Variants in WLS observed in about 807,000 individuals in gnomAD.
WLS encodes protein wntless homolog.
Under a neutral mutation model 62.8 loss-of-function variants are expected in WLS, and 23 were observed. That is an observed-to-expected ratio of 0.37 (90% CI 0.26 to 0.52). The LOEUF is 0.52. Among genes scored for constraint, WLS ranks in the 20% least tolerant of loss-of-function variants. The pLI is 0.92. For missense variants in WLS, 615 were observed against 697.3 expected, an observed-to-expected ratio of 0.88 and a Z score of 1.33; for synonymous variants, 246 against 244.1, an observed-to-expected ratio of 1.01 and a Z score of -0.07.
At chr1:68,200,402 T>G (rs537330060) in intron 1 of WLS, among the ~76,000 whole-genome samples, 2 of 151,480 alleles carry the variant, frequency 1.3e-5, no homozygotes, top group South Asian at 4.2e-4. Context: ...CATAAAACAT[T>G]TTGGGGTACT....
intron 11 of WLS, among the ~76,000 whole-genome samples, chr1:68,103,751 C>G (rs1646108571): frequency 1.3e-5 from 2 of 152,116 alleles, no homozygotes; most frequent in Admixed American, 1.3e-4. Context: ...CAGCATCATC[C>G]CCGCCAAGCC....
intron 1 of WLS, among the ~76,000 whole-genome samples, chr1:68,215,847 C>T (rs1649703696): frequency 6.6e-6 from 1 of 152,204 alleles, no homozygotes; most frequent in Non-Finnish European, 1.5e-5. Flanking sequence ...CATTCACTAA[C>T]TAAACCCAGT....
chr1:68,125,436 C>T lies in WLS; in HGVS notation c.*790G>A, dbSNP rs1479944753. On this transcript the variant is annotated 3_prime_UTR_variant, in exon 12 of 12. Coordinates refer to ENST00000262348, the MANE Select transcript of WLS (RefSeq NM_024911.7). ...GTTTATTTAAATGATTGGATCTACA[C>T]TTTTGGAGGCTATTTGAAGTATCTT... 2 of 985,280 alleles carry T rather than the reference C, an allele frequency of 2.0e-6. No individual in the cohort carries two copies. The highest frequency in any genetic ancestry group is 2.4e-6 in the Non-Finnish European group (2 of 829,936). The allele number at this position is 985,280 out of a possible 1,614,324, so 61.0% of individuals were successfully genotyped here.
intron 10 of WLS, among the ~76,000 whole-genome samples, chr1:68,143,192 T>C (rs1014616648): frequency 6.6e-6 from 1 of 152,102 alleles, no homozygotes; most frequent in Non-Finnish European, 1.5e-5. Context: ...ACAAAAATGG[T>C]TAGGAGTCCC....
intron 2 of WLS, among the ~76,000 whole-genome samples, chr1:68,191,304 G>A (rs1648289264): frequency 6.6e-6 from 1 of 151,912 alleles, no homozygotes; most frequent in African/African-American, 2.4e-5. Flanking sequence ...CATAAATCAG[G>A]TAATCTACCT....
intron 11 of WLS, among the ~76,000 whole-genome samples, chr1:68,119,150 T>C (rs757058121): frequency 6.6e-6 from 1 of 152,136 alleles, no homozygotes; most frequent in Non-Finnish European, 1.5e-5. Flanking sequence ...AATCATGTTA[T>C]AGAAGACAAC....
At position 68,125,726 on chromosome 1, in the gene WLS, T is replaced by C. The variant is rs1182948172; in HGVS notation, c.*500A>G. The C allele has an allele frequency of 2.0e-6, 2 of 986,154 alleles. No individual in the cohort carries two copies. The highest frequency in any genetic ancestry group is 2.4e-6 in the Non-Finnish European group (2 of 830,526). The allele number at this position is 986,154 out of a possible 1,614,324, so 61.1% of individuals were successfully genotyped here. On this transcript the variant is annotated 3_prime_UTR_variant, in exon 12 of 12. Transcript: ENST00000262348. ...CAACTTAAATATTAACTCAGTGGGCTACCTGGTGATATAAATAGGAAAAAA... is the reference window on the plus strand; with the variant it reads ...CAACTTAAATATTAACTCAGTGGGCCACCTGGTGATATAAATAGGAAAAAA...
intron 1 of WLS, among the ~76,000 whole-genome samples, chr1:68,228,966 A>G (rs1202062964): frequency 4.7e-5 from 7 of 149,192 alleles, no homozygotes; most frequent in Non-Finnish European, 7.4e-5. Flanking sequence ...ACCAAAGCCA[A>G]TTCCTGGAGG....
At chr1:68,130,005 C>T (rs1167684577) in intron 11 of WLS, among the ~76,000 whole-genome samples, 2 of 152,220 alleles carry the variant, frequency 1.3e-5, no homozygotes, top group Non-Finnish European at 2.9e-5. Flanking sequence ...AGACCAATCT[C>T]TGGCACAGAT....
chr1:68,110,817 G>T (rs956900627), intron 11 of WLS, among the ~76,000 whole-genome samples: 1 of 151,924 alleles, frequency 6.6e-6, no homozygotes, highest in African/African-American at 2.4e-5. Flanking sequence ...TCAATAAATG[G>T]TGCTGAGAGC....
intron 2 of WLS, among the ~76,000 whole-genome samples, chr1:68,170,160 C>CTTTTTTTCTTTTTTTTTTTTTTT (rs1553131191): frequency 1.2e-5 from 1 of 86,752 alleles, no homozygotes; most frequent in African/African-American, 4.3e-5. Flanking sequence ...GCTACTATTT[C>CTTTTTTTCTTTTTTTTTTTTTTT]TTTTTTTTTT....
intron 2 of WLS, among the ~76,000 whole-genome samples, chr1:68,180,420 A>T (rs1286714976): frequency 6.6e-6 from 1 of 152,080 alleles, no homozygotes; most frequent in African/African-American, 2.4e-5. Context: ...TGTTGAGGAA[A>T]AGCTGAGTGT....
Position 68,148,543 on chromosome 1 carries a change from T to C in WLS, c.1070+20A>G. The C allele has an allele frequency of 6.2e-7, 1 of 1,612,650 alleles. No individual in the cohort carries two copies. Among genetic ancestry groups the C allele is most frequent in the Non-Finnish European group, 8.5e-7 (1 of 1,179,160 alleles). On this transcript the variant is annotated intron_variant, in intron 7 of 11. Transcript: ENST00000262348. ...TGGTGATGCACAGTTTGGCTCAGTG[T>C]CCCACAAACACTTGCTCACCTCTCA...
At chr1:68,194,294 TC>T in intron 1 of WLS, 67 bp from the exon 2 acceptor site, 1 of 1,556,670 alleles carries the variant, frequency 6.4e-7, no homozygotes, top group South Asian at 1.2e-5. Context: ...TGGTTAATAT[TC>T]TTTCCACTGC....
intron 2 of WLS, among the ~76,000 whole-genome samples, chr1:68,184,399 A>G (rs541345458): frequency 6.6e-6 from 1 of 152,352 alleles, no homozygotes; most frequent in Non-Finnish European, 1.5e-5. Flanking sequence ...GACTTTTTAA[A>G]AAATGGTATA....
At chr1:68,218,196 G>A (rs2100656862) in intron 1 of WLS, among the ~76,000 whole-genome samples, 1 of 152,226 alleles carries the variant, frequency 6.6e-6, no homozygotes, top group South Asian at 2.1e-4. Flanking sequence ...TAAGGGGAAA[G>A]AATAAAACAT....
intron 11 of WLS, among the ~76,000 whole-genome samples, chr1:68,133,896 T>C (rs771745089): frequency 3.9e-5 from 6 of 152,200 alleles, no homozygotes; most frequent in Non-Finnish European, 4.4e-5. Context: ...TTGTCTGTGC[T>C]CCGTCCAGGA....
chr1:68,113,025 C>G (rs114537569), intron 11 of WLS, among the ~76,000 whole-genome samples: 2,399 of 152,226 alleles, frequency 0.016, 57 homozygotes, highest in African/African-American at 0.055. Flanking sequence ...ACGCCTTGGC[C>G]CCATCTTAAA....
chr1:68,131,885 G>A (rs527981147), intron 11 of WLS, among the ~76,000 whole-genome samples: 2 of 152,188 alleles, frequency 1.3e-5, no homozygotes, highest in Admixed American at 6.5e-5. Flanking sequence ...GGAAGACCAC[G>A]TGAAGACACA....
Sources: allele counts gnomAD v4.1 joint callset (sites outside exome capture counted in the v4.1 genomes callset), GRCh38; gene constraint gnomAD v4.1.1; transcripts MANE v1.5; gene names NCBI Gene and HGNC (gene_info 2026-07-23, HGNC 2026-07-21).